The following USP46 variants were observed in gnomAD, a reference collection of about 807,000 sequenced individuals.
USP46 encodes ubiquitin carboxyl-terminal hydrolase 46.
Under a neutral mutation model 44.4 loss-of-function variants are expected in USP46, and 12 were observed. That is an observed-to-expected ratio of 0.27 (90% CI 0.17 to 0.44). USP46 has a LOEUF of 0.44. USP46 is among the 20% of genes least tolerant of loss of function. The pLI is 1.00. For synonymous variants in USP46, 155 were observed against 161.5 expected, an observed-to-expected ratio of 0.96 and a Z score of 0.31; for missense variants, 248 against 444.8, an observed-to-expected ratio of 0.56 and a Z score of 3.98.
chr4:52,623,200 G>T (rs578228384), intron 4 of USP46, among the ~76,000 whole-genome samples: 10 of 152,126 alleles, frequency 6.6e-5, no homozygotes, highest in Non-Finnish European at 1.3e-4. Flanking sequence ...GATTTAAGAG[G>T]TGAGGTAAGG....
intron 4 of USP46, among the ~76,000 whole-genome samples, chr4:52,612,217 G>T (rs1208998063): frequency 6.6e-6 from 1 of 152,174 alleles, no homozygotes; most frequent in East Asian, 1.9e-4. Context: ...GAAAAACTAG[G>T]TTATACAACT....
intron 1 of USP46, among the ~76,000 whole-genome samples, chr4:52,632,984 G>GAAA (rs368999019): frequency 1.5e-4 from 8 of 52,536 alleles, no homozygotes; most frequent in Non-Finnish European, 3.4e-4. Flanking sequence ...AAGAAAGAAA[G>GAAA]AAAAGAAAAG....
At chr4:52,645,472 G>A (rs1718518157) in intron 1 of USP46, among the ~76,000 whole-genome samples, 1 of 152,128 alleles carries the variant, frequency 6.6e-6, no homozygotes, top group Admixed American at 6.6e-5. Context: ...GTCAAAAGCA[G>A]AACAAAGAAT....
intron 1 of USP46, 28 bp from the exon 2 acceptor site, chr4:52,631,172 G>C (rs767455733): frequency 6.5e-7 from 1 of 1,528,314 alleles, no homozygotes; most frequent in African/African-American, 1.4e-5. Context: ...CAAAAGTTCT[G>C]TTGCATGTAA....
chr4:52,646,980 T>A (rs1403029506), intron 1 of USP46, among the ~76,000 whole-genome samples: 1 of 152,206 alleles, frequency 6.6e-6, no homozygotes, highest in Non-Finnish European at 1.5e-5. Flanking sequence ...AATCCATTTT[T>A]AGGAAGTCGG....
At chr4:52,600,418 TAGG>T (rs1049482347) in intron 7 of USP46, among the ~76,000 whole-genome samples, 6 of 152,108 alleles carry the variant, frequency 3.9e-5, no homozygotes, top group Non-Finnish European at 7.4e-5. Context: ...CTGCTCCACA[TAGG>T]AGAACAATGC....
At chr4:52,613,792 T>C (rs2109612155) in intron 4 of USP46, among the ~76,000 whole-genome samples, 1 of 151,322 alleles carries the variant, frequency 6.6e-6, no homozygotes, top group Non-Finnish European at 1.5e-5. Flanking sequence ...ACATTCTCAA[T>C]GTTCTGAATA....
At chr4:52,604,670 G>A in intron 5 of USP46, 86 bp from the exon 6 acceptor site, 1 of 860,648 alleles carries the variant, frequency 1.2e-6, no homozygotes, top group Non-Finnish European at 1.7e-6. Context: ...AACCTGTAGG[G>A]TAATTTTTAA....
At chr4:52,629,424 T>C (rs1717722031) in intron 2 of USP46, among the ~76,000 whole-genome samples, 1 of 152,164 alleles carries the variant, frequency 6.6e-6, no homozygotes, top group South Asian at 2.1e-4. Context: ...TTTTTCTCTC[T>C]CTCCACTATC....
At chr4:52,612,363 A>AC (rs1716967753) in intron 4 of USP46, among the ~76,000 whole-genome samples, 1 of 152,218 alleles carries the variant, frequency 6.6e-6, no homozygotes, top group Admixed American at 6.5e-5. Flanking sequence ...AGAATGCATT[A>AC]GTAGCCCCAA....
At chr4:52,649,385 T>A (rs1458165001) in intron 1 of USP46, among the ~76,000 whole-genome samples, 1 of 152,234 alleles carries the variant, frequency 6.6e-6, no homozygotes, top group Non-Finnish European at 1.5e-5. Context: ...ATTGACTACC[T>A]TTGTTGTAAA....
chr4:52,602,916 T>C (rs1017119808), intron 6 of USP46, among the ~76,000 whole-genome samples: 2 of 152,254 alleles, frequency 1.3e-5, no homozygotes, highest in Non-Finnish European at 1.5e-5. Flanking sequence ...GGCAACAGTT[T>C]ATGCAGAGTA....
intron 4 of USP46, among the ~76,000 whole-genome samples, chr4:52,625,210 A>C (rs1190254075): frequency 1.3e-5 from 2 of 152,110 alleles, no homozygotes; most frequent in African/African-American, 2.4e-5. Context: ...TCTAGGTGTC[A>C]ACTCATTTAA....
intron 8 of USP46, 126 bp from the exon 9 acceptor site, chr4:52,597,867 A>T: frequency 1.4e-6 from 1 of 692,292 alleles, no homozygotes; most frequent in Non-Finnish European, 2.3e-6. Context: ...ATCATTAGGA[A>T]CTTTCAATAG....
At chr4:52,648,698 T>G (rs1052035644) in intron 1 of USP46, among the ~76,000 whole-genome samples, 4 of 152,188 alleles carry the variant, frequency 2.6e-5, no homozygotes, top group African/African-American at 9.7e-5. Context: ...TTTATTTATT[T>G]ATTTGTATTT....
intron 4 of USP46, among the ~76,000 whole-genome samples, chr4:52,612,580 G>T (rs1350786369): frequency 1.3e-5 from 2 of 152,254 alleles, no homozygotes; most frequent in African/African-American, 4.8e-5. Flanking sequence ...ACTGTAAGAA[G>T]GATAACCCCA....
chr4:52,656,286 A>C, intron 1 of USP46: 1 of 1,551,344 alleles, frequency 6.4e-7, no homozygotes, highest in Non-Finnish European at 8.7e-7. Flanking sequence ...GGGACCTGTA[A>C]GACACCTACC....
intron 7 of USP46, 85 bp from the exon 8 acceptor site, chr4:52,598,791 T>A (rs556310317): frequency 7.6e-7 from 1 of 1,317,396 alleles, no homozygotes; most frequent in African/African-American, 1.5e-5. Context: ...AAGCAGTGAT[T>A]CTCTGGGAAA....
intron 1 of USP46, among the ~76,000 whole-genome samples, chr4:52,647,085 T>C (rs1221408991): frequency 6.6e-6 from 1 of 152,190 alleles, no homozygotes; most frequent in Non-Finnish European, 1.5e-5. Flanking sequence ...CATGTCCTGC[T>C]AGTCAGTGAG....
Sources: gnomAD v4.1 joint callset for allele counts (sites outside exome capture counted in the v4.1 genomes callset) on GRCh38, gnomAD v4.1.1 for gene constraint, MANE v1.5 for transcripts, NCBI Gene and HGNC (gene_info 2026-07-23, HGNC 2026-07-21) for gene names.